Variants in RANBP9 observed in about 807,000 individuals in gnomAD.
The protein encoded by RANBP9 is RAN binding protein 9, also known as ran-binding protein 9.
RANBP9 carries 15 observed loss-of-function variants against 84.3 expected under a neutral mutation model. That is an observed-to-expected ratio of 0.18 (90% CI 0.12 to 0.27). The LOEUF (loss-of-function observed/expected upper bound fraction) is 0.27. Ranked by LOEUF, RANBP9 falls within the 10% of genes least tolerant of loss-of-function variation. The pLI is 1.00. For synonymous variants in RANBP9, 392 were observed against 349.6 expected, an observed-to-expected ratio of 1.12 and a Z score of -1.35; for missense variants, 809 against 912.8, an observed-to-expected ratio of 0.89 and a Z score of 1.46.
chr6:13,705,129 T>C (rs1758069880), intron 1 of RANBP9, among the ~76,000 whole-genome samples: 1 of 151,906 alleles, frequency 6.6e-6, no homozygotes, highest in Non-Finnish European at 1.5e-5. Context: ...TTAGGCTGGG[T>C]GCAGTGGTTC....
intron 2 of RANBP9, among the ~76,000 whole-genome samples, chr6:13,677,527 T>G (rs1765921629): frequency 6.6e-6 from 1 of 152,194 alleles, no homozygotes; most frequent in South Asian, 2.1e-4. Flanking sequence ...GTTTTATTTC[T>G]GCCAAATGGC....
chr6:13,686,920 C>T (rs1389607058), intron 2 of RANBP9, among the ~76,000 whole-genome samples: 1 of 152,178 alleles, frequency 6.6e-6, no homozygotes, highest in Non-Finnish European at 1.5e-5. Flanking sequence ...ACTTAGCAGT[C>T]CTCCTTTGAA....
Position 13,711,165 on chromosome 6 carries a change from G to A in RANBP9, c.341C>T (p.Pro114Leu), listed in dbSNP as rs553671235. Residue 114 changes from proline (P) to leucine (L), a missense_variant, in exon 1 of 14, where the codon CCG becomes CTG. By Grantham distance (98) the Pro-to-Leu change is moderately conservative. Transcript: ENST00000011619. ...APPGLAAGPG[P>L]AGGAPTPALV... ...AGCTGGGGTCGGGGCTCCTCCAGCC[G>A]GGCCGGGGCCCGCTGCAAGGCCCGG... is the stretch of plus-strand genomic sequence containing the variant. 8.5e-5 allele frequency: 122 copies of A among 1,443,112 alleles called. No individual in the cohort carries two copies. The African/African-American group carries it at 9.9e-4, about 12-fold the overall frequency. 89.4% of individuals were successfully genotyped at this position (1,443,112 alleles called of 1,614,324 possible).
At chr6:13,690,912 T>A (rs1049635121) in intron 2 of RANBP9, among the ~76,000 whole-genome samples, 2 of 152,122 alleles carry the variant, frequency 1.3e-5, no homozygotes, top group Non-Finnish European at 2.9e-5. Context: ...ACGTCTGTAA[T>A]CCCAACACTT....
intron 1 of RANBP9, among the ~76,000 whole-genome samples, chr6:13,706,211 G>A (rs560029869): frequency 1.3e-3 from 205 of 152,258 alleles, no homozygotes; most frequent in African/African-American, 4.7e-3. Flanking sequence ...GGGCGTCGCG[G>A]CGGGCACCTG....
intron 1 of RANBP9, among the ~76,000 whole-genome samples, chr6:13,706,733 G>A (rs1213267163): frequency 6.6e-6 from 1 of 151,480 alleles, no homozygotes; most frequent in African/African-American, 2.4e-5. Flanking sequence ...CAGGCGCAGT[G>A]GCTCATGCCT....
At chr6:13,658,586 G>C (rs140993088) in intron 3 of RANBP9, among the ~76,000 whole-genome samples, 194 bp downstream of exon 3, 1 of 152,066 alleles carries the variant, frequency 6.6e-6, no homozygotes, top group African/African-American at 2.4e-5. Flanking sequence ...CTCCAACCTG[G>C]GTGACACAGT....
At chr6:13,633,732 A>G (rs1764854949) in intron 11 of RANBP9, among the ~76,000 whole-genome samples, 1 of 152,206 alleles carries the variant, frequency 6.6e-6, no homozygotes, top group African/African-American at 2.4e-5. Flanking sequence ...CAATTTTAGT[A>G]ATACCACTCA....
At chr6:13,635,088 T>C (rs1202602023) in intron 10 of RANBP9, among the ~76,000 whole-genome samples, 3 of 152,246 alleles carry the variant, frequency 2.0e-5, no homozygotes, top group African/African-American at 2.4e-5. Context: ...CTTAAAAATA[T>C]ACATTCTTTC....
intron 12 of RANBP9, among the ~76,000 whole-genome samples, chr6:13,626,707 T>G (rs1224606095): frequency 2.6e-5 from 4 of 152,238 alleles, no homozygotes; most frequent in African/African-American, 9.6e-5. Context: ...ACTGTCAATT[T>G]GTGAGTTCAG....
At chr6:13,661,147 A>G (rs1021312115) in intron 2 of RANBP9, among the ~76,000 whole-genome samples, 2 of 152,240 alleles carry the variant, frequency 1.3e-5, no homozygotes, top group Non-Finnish European at 2.9e-5. Context: ...CTGTTGCCTA[A>G]GCTAGAGCTT....
rs141415770 is a variant in RANBP9, at chr6:13,703,374, C to T, written c.572-6478G>A. ...ACCTACAAGTGACTCCTAAATCAGT[C>T]ACGACCTAGACCTCTCTCCCAAGCT... On this transcript the variant is annotated intron_variant, in intron 1 of 13. Transcript: ENST00000011619. Among the ~76,000 whole-genome samples, 848 of 152,314 alleles carry T rather than the reference C, an allele frequency of 5.6e-3. 10 individuals are homozygous for T. Among genetic ancestry groups the T allele is most frequent in the African/African-American group, 0.019 (795 of 41,566 alleles).
chr6:13,711,467 C>T lies in RANBP9; in HGVS notation c.39G>A (p.Gln13=), dbSNP rs748764233. The T allele has an allele frequency of 5.7e-6, 7 of 1,235,980 alleles. No homozygotes were observed. The African/African-American group carries it at 9.4e-5, about 17-fold the overall frequency. 76.6% of individuals were successfully genotyped at this position (1,235,980 alleles called of 1,614,324 possible). Residue 13 remains glutamine, a synonymous_variant, in exon 1 of 14, where the codon CAG becomes CAA. Coordinates refer to ENST00000011619, the MANE Select transcript of RANBP9 (RefSeq NM_005493.3). Reference sequence around the variant, plus strand: ...GCGGCGACAGCTGCTGCTGCTGTTGCTGCTGCTGCGGCGGCGGCGGCGGCG... The same window carrying T: ...GCGGCGACAGCTGCTGCTGCTGTTGTTGCTGCTGCGGCGGCGGCGGCGGCG... The part of the protein sequence containing the change: ...GQPPPPPPQQ[Q]QQQQQLSPPP...
At chr6:13,703,510 G>T (rs1236092576) in intron 1 of RANBP9, among the ~76,000 whole-genome samples, 2 of 152,170 alleles carry the variant, frequency 1.3e-5, no homozygotes, top group South Asian at 2.1e-4. Context: ...AGGGTATTTT[G>T]TATTTTATAA....
At chr6:13,642,432 T>C (rs368597095) in intron 7 of RANBP9, 47 bp downstream of exon 7, 10 of 1,156,544 alleles carry the variant, frequency 8.6e-6, no homozygotes, top group East Asian at 2.7e-5. Flanking sequence ...AGTAACCAAA[T>C]CTATAATCTG....
At position 13,704,128 on chromosome 6, in the gene RANBP9, T is replaced by A. The variant is rs148112306; in HGVS notation, c.571+6807A>T. ...TCTCTGGCCTTACCACTGACCCAGC[T>A]GAGGTCAATTCTAACATGGTCTACT... On this transcript the variant is annotated intron_variant, in intron 1 of 13. Coordinates refer to ENST00000011619, the MANE Select transcript of RANBP9 (RefSeq NM_005493.3). 7.8e-3 allele frequency among the ~76,000 whole-genome samples: 1,188 copies of A among 152,330 alleles called. 13 individuals carry two copies. The highest frequency in any genetic ancestry group is 0.027 in the African/African-American group (1,108 of 41,562).
intron 5 of RANBP9, among the ~76,000 whole-genome samples, chr6:13,649,461 G>GAAAAA (rs375894187): frequency 3.2e-5 from 3 of 92,686 alleles, no homozygotes; most frequent in Admixed American, 1.1e-4. Flanking sequence ...TGCCACAACA[G>GAAAAA]AAAAAAAAAA....
At chr6:13,637,577 G>A (rs1211147938) in intron 10 of RANBP9, among the ~76,000 whole-genome samples, 6 of 152,186 alleles carry the variant, frequency 3.9e-5, no homozygotes, top group African/African-American at 9.7e-5. Flanking sequence ...CTTTACTAGA[G>A]GGAAGAAGGT....
At chr6:13,646,867 T>C (rs1280055102) in intron 5 of RANBP9, among the ~76,000 whole-genome samples, 1 of 152,118 alleles carries the variant, frequency 6.6e-6, no homozygotes, top group Non-Finnish European at 1.5e-5. Flanking sequence ...ATGTAGGCAA[T>C]TTGTAGAAGA....
Sources: allele counts gnomAD v4.1 joint callset (sites outside exome capture counted in the v4.1 genomes callset), GRCh38; gene constraint gnomAD v4.1.1; transcripts MANE v1.5; gene names NCBI Gene and HGNC (gene_info 2026-07-23, HGNC 2026-07-21).